The following NAV2 variants were observed in gnomAD, a reference collection of about 807,000 sequenced individuals.
NAV2 encodes neuron navigator 2.
NAV2 carries 54 observed loss-of-function variants against 223.2 expected under a neutral mutation model. The ratio of observed to expected loss-of-function variants is 0.24; its 90% CI spans 0.19 to 0.30. The LOEUF (loss-of-function observed/expected upper bound fraction) is 0.30, where lower values mean the gene tolerates loss of function less well. Among genes scored for constraint, NAV2 ranks in the 10% least tolerant of loss-of-function variants. The pLI, the probability that NAV2 is intolerant of heterozygous loss-of-function variation, is 1.00. For synonymous variants in NAV2, 1,279 were observed against 1,239.3 expected (o/e 1.03, Z -0.67); for missense variants, 2,806 against 3,147.5 (o/e 0.89, Z 2.60).
upstream of NAV2, among the ~76,000 whole-genome samples, chr11:19,346,123 G>A (rs1852992211): frequency 6.6e-6 from 1 of 152,130 alleles, no homozygotes; most frequent in Non-Finnish European, 1.5e-5. Flanking sequence ...GTCTGTCTCC[G>A]AATGTAGGTC....
intron 1 of NAV2, among the ~76,000 whole-genome samples, chr11:19,780,977 G>T (rs1401543908): frequency 3.3e-5 from 5 of 152,144 alleles, no homozygotes; most frequent in African/African-American, 4.8e-5. Flanking sequence ...ATCAAGAAAA[G>T]ATTTTTTAAA....
chr11:19,570,199 T>C (rs901527693), intron 1 of NAV2, among the ~76,000 whole-genome samples: 7 of 152,154 alleles, frequency 4.6e-5, no homozygotes, highest in Admixed American at 3.9e-4. Flanking sequence ...AGACACAGAT[T>C]CAAACCCTGC....
chr11:20,066,546 A>G (rs2059053758), intron 20 of NAV2, among the ~76,000 whole-genome samples: 1 of 152,198 alleles, frequency 6.6e-6, no homozygotes, highest in South Asian at 2.1e-4. Flanking sequence ...AGTAGGAGCC[A>G]ACCTAGAGGA....
At chr11:19,850,148 G>C (rs891326803) in intron 3 of NAV2, among the ~76,000 whole-genome samples, 1 of 152,160 alleles carries the variant, frequency 6.6e-6, no homozygotes, top group Non-Finnish European at 1.5e-5. Context: ...ATAAAGTACT[G>C]TCCAGTCTGC....
Position 19,713,604 on chromosome 11 carries a change from C to A in NAV2, c.-92C>A, listed in dbSNP as rs1455941090. 2.8e-6 allele frequency: 4 copies of A among 1,448,258 alleles called. No homozygotes were observed. In the African/African-American group the frequency reaches 4.3e-5, roughly 16 times the overall value. 89.7% of individuals were successfully genotyped at this position (1,448,258 alleles called of 1,614,324 possible). ...GGTGGGCGCCTCGTGGGCTAAGGCCCGGCGCCTGCTCTGCTACCCGCGCTG... is the reference window on the plus strand; with the variant it reads ...GGTGGGCGCCTCGTGGGCTAAGGCCAGGCGCCTGCTCTGCTACCCGCGCTG... On this transcript the variant is annotated 5_prime_UTR_variant, in exon 1 of 38. Coordinates refer to ENST00000349880, the MANE Select transcript of NAV2 (RefSeq NM_145117.5). The surrounding 1 kb of genome is among the most constrained non-coding windows in gnomAD (Gnocchi z 7.2).
At chr11:20,103,903 T>G (rs2061828549) in intron 34 of NAV2, among the ~76,000 whole-genome samples, 179 bp downstream of exon 34, 1 of 152,228 alleles carries the variant, frequency 6.6e-6, no homozygotes, top group South Asian at 2.1e-4. Context: ...TTCACCACTC[T>G]CAGTTTACCA....
chr11:19,730,716 T>TCC (rs1044468885), intron 1 of NAV2, among the ~76,000 whole-genome samples: 2 of 152,214 alleles, frequency 1.3e-5, no homozygotes, highest in Non-Finnish European at 2.9e-5. Context: ...CTGGCACTGC[T>TCC]CCCCCTTCCT....
chr11:19,362,220 C>G (rs918529391), intron 1 of NAV2, among the ~76,000 whole-genome samples: 1 of 152,186 alleles, frequency 6.6e-6, no homozygotes, highest in Non-Finnish European at 1.5e-5. Flanking sequence ...AGTCCAACAG[C>G]TAGAAGTAGT....
chr11:19,890,613 ACT>A (rs1195130200), intron 5 of NAV2, among the ~76,000 whole-genome samples: 2 of 152,142 alleles, frequency 1.3e-5, no homozygotes, highest in South Asian at 2.1e-4. Context: ...ATTCCCAAAG[ACT>A]CTGTCTGGTT....
intron 26 of NAV2, among the ~76,000 whole-genome samples, chr11:20,089,170 T>A (rs1454316433): frequency 6.6e-6 from 1 of 152,188 alleles, no homozygotes; most frequent in Non-Finnish European, 1.5e-5. Context: ...AAGTGTGAGA[T>A]GGAAATAATT....
At chr11:19,577,525 C>A (rs1017328300) in intron 1 of NAV2, among the ~76,000 whole-genome samples, 40 of 152,390 alleles carry the variant, frequency 2.6e-4, no homozygotes, top group African/African-American at 9.1e-4. Flanking sequence ...CCACTTCTCC[C>A]TCTGTGTCCT....
chr11:19,839,269 C>T (rs1369432686), intron 2 of NAV2, among the ~76,000 whole-genome samples: 1 of 152,134 alleles, frequency 6.6e-6, no homozygotes, highest in Non-Finnish European at 1.5e-5. Flanking sequence ...GGCCTCCCTC[C>T]TTTGCTTACG....
chr11:19,790,809 CA>C (rs869091758), intron 1 of NAV2, among the ~76,000 whole-genome samples: 1 of 151,970 alleles, frequency 6.6e-6, no homozygotes, highest in Non-Finnish European at 1.5e-5. Flanking sequence ...TTTCTGTTTG[CA>C]AAAGGGGGGA....
intron 1 of NAV2, among the ~76,000 whole-genome samples, chr11:19,488,722 T>G (rs1190866513): frequency 6.6e-6 from 1 of 152,220 alleles, no homozygotes; most frequent in African/African-American, 2.4e-5. Context: ...TAACAAATAA[T>G]AAATTCCACC....
chr11:20,071,100 C>A (rs1380915141), intron 22 of NAV2, among the ~76,000 whole-genome samples: 3 of 101,052 alleles, frequency 3.0e-5, no homozygotes, highest in African/African-American at 1.2e-4. Context: ...TACTATCCCT[C>A]CCCTAGCCCC....
At chr11:19,564,160 G>A (rs984505987) in intron 1 of NAV2, among the ~76,000 whole-genome samples, 2 of 152,182 alleles carry the variant, frequency 1.3e-5, no homozygotes, top group African/African-American at 4.8e-5. Flanking sequence ...ATTCTGTGGC[G>A]GGGGCTTTGG....
At position 20,045,606 on chromosome 11, in the gene NAV2, C is replaced by T; in HGVS notation, c.3838C>T (p.Pro1280Ser). ...TCCGGCAGCCCAGCCTGTGTCCAGT[C>T]CGGCTCAGACCAGTCTCCAGCCTGG... is the stretch of plus-strand genomic sequence containing the variant. ...VNPAAQPVSSPAQTSLQPGAK... is the reference protein window; with the variant it reads ...VNPAAQPVSSSAQTSLQPGAK... Residue 1280 changes from proline to serine, a missense_variant, in exon 14 of 38, where the codon CCG becomes TCG. By Grantham distance (74) the Pro-to-Ser change is moderately conservative. Around this residue, in one of 4 missense-constraint regions of NAV2, gnomAD observed 742 missense variants for 777.9 expected, o/e 0.95. Coordinates refer to ENST00000349880, the MANE Select transcript of NAV2 (RefSeq NM_145117.5). The T allele has an allele frequency of 6.2e-7, 1 of 1,614,208 alleles. No homozygotes were observed. Among genetic ancestry groups the T allele is most frequent in the Non-Finnish European group, 8.5e-7 (1 of 1,180,038 alleles).
intron 3 of NAV2, among the ~76,000 whole-genome samples, chr11:19,854,941 C>T (rs1408653671): frequency 6.6e-6 from 1 of 152,120 alleles, no homozygotes. Flanking sequence ...TGTTTCTCCC[C>T]AGCTCTGGCA....
intron 18 of NAV2, 45 bp from the exon 19 acceptor site, chr11:20,055,724 G>A: frequency 6.5e-7 from 1 of 1,537,470 alleles, no homozygotes; most frequent in South Asian, 1.2e-5. Context: ...GATTTGAACA[G>A]AGACATGAAT....
Sources: gnomAD v4.1 joint callset for allele counts (sites outside exome capture counted in the v4.1 genomes callset) on GRCh38, gnomAD v4.1.1 for gene constraint, gnomAD v4.1.1 regional missense constraint, Gnocchi (gnomAD v3.1) non-coding constraint, MANE v1.5 for transcripts, NCBI Gene and HGNC (gene_info 2026-07-23, HGNC 2026-07-21) for gene names.